Variants in STK3 observed in about 807,000 individuals in gnomAD.
STK3 encodes serine/threonine kinase 3, also known as serine/threonine-protein kinase 3.
STK3 carries 41 observed loss-of-function variants against 58.0 expected under a neutral mutation model. The ratio of observed to expected loss-of-function variants is 0.71; its 90% confidence interval spans 0.55 to 0.92. The LOEUF (loss-of-function observed/expected upper bound fraction) is 0.92, where lower values mean the gene tolerates loss of function less well. Among genes scored for constraint, STK3 ranks in the 40% least tolerant of loss-of-function variants. The pLI, the probability that STK3 is intolerant of heterozygous loss-of-function variation, is 0.00. For synonymous variants in STK3, 170 were observed against 191.0 expected (o/e 0.89, Z 0.91); for missense variants, 479 against 602.7 (o/e 0.79, Z 2.15).
rs532950012 is a variant in STK3 at position 98,840,761 on chromosome 8, T to G, written c.110+42886A>C. ...ATTTAACATTTATTACCTCCTAGTC[T>G]CTGTAAGTCAGAAATCCAGGTGCAA... On this transcript the variant is annotated intron_variant, in intron 3 of 12. Transcript: ENST00000523601. 1.7e-4 allele frequency among the ~76,000 whole-genome samples: 26 copies of G among 152,064 alleles called. No homozygotes were observed. In the East Asian group the frequency reaches 3.3e-3, roughly 19 times the overall value.
At chr8:98,638,049 T>C (rs1456773724) in intron 6 of STK3, among the ~76,000 whole-genome samples, 1 of 152,188 alleles carries the variant, frequency 6.6e-6, no homozygotes, top group African/African-American at 2.4e-5. Flanking sequence ...TAGAAATAAA[T>C]ACTAAACTCT....
intron 1 of STK3, among the ~76,000 whole-genome samples, chr8:98,792,156 A>G (rs1336606280): frequency 6.6e-6 from 1 of 152,238 alleles, no homozygotes; most frequent in Admixed American, 6.5e-5. Context: ...GGACATGAAT[A>G]GACAATTCTC....
the STK3 span, among the ~76,000 whole-genome samples, chr8:98,354,996 C>T: frequency 2.6e-5 from 4 of 152,104 alleles, no homozygotes; most frequent in African/African-American, 4.8e-5. Context: ...AGGCTGGTCC[C>T]GAACTCCTAA....
chr8:98,631,755 C>T (rs1392279974), intron 6 of STK3, among the ~76,000 whole-genome samples: 1 of 152,206 alleles, frequency 6.6e-6, no homozygotes, highest in African/African-American at 2.4e-5. Flanking sequence ...ACCTCCGCCT[C>T]CTGGGTTCAA....
chr8:98,748,837 A>C (rs1305176140), intron 4 of STK3, among the ~76,000 whole-genome samples: 1 of 151,880 alleles, frequency 6.6e-6, no homozygotes, highest in Non-Finnish European at 1.5e-5. Context: ...AAATACAAAA[A>C]TGTTTTTTTT....
At chr8:98,817,332 T>C (rs888169696) in intron 1 of STK3, among the ~76,000 whole-genome samples, 4 of 151,868 alleles carry the variant, frequency 2.6e-5, no homozygotes, top group African/African-American at 7.3e-5. Flanking sequence ...CACACGCCCG[T>C]AGTCCCAGCG....
At chr8:98,592,732 A>ACTTT (rs1815427833) in intron 7 of STK3, among the ~76,000 whole-genome samples, 1 of 128,562 alleles carries the variant, frequency 7.8e-6, no homozygotes, top group Non-Finnish European at 1.7e-5. Flanking sequence ...TCACTGACTT[A>ACTTT]CTTTATTTAT....
intron 1 of STK3, among the ~76,000 whole-genome samples, chr8:98,382,438 G>C (rs1339310951): frequency 6.6e-6 from 1 of 152,206 alleles, no homozygotes; most frequent in African/African-American, 2.4e-5. Context: ...CCAGAAGGCA[G>C]AGGAGGTCAG....
Position 98,427,998 on chromosome 8 carries a change from T to C in STK3, n.483+6129A>G, listed in dbSNP as rs199762721. Reference sequence around the variant, plus strand: ...CTCCAGCATGACCGGCCAGAGCCTGTGGGACGTGTCGGAGGCTAACGTCGA... The same window carrying C: ...CTCCAGCATGACCGGCCAGAGCCTGCGGGACGTGTCGGAGGCTAACGTCGA... On this transcript the variant is annotated intron_variant and non_coding_transcript_variant, in intron 3 of 3. Coordinates refer to the STK3 transcript ENST00000517832. The C allele has an allele frequency of 6.2e-5, 97 of 1,569,470 alleles. No individual in the cohort carries two copies. Among genetic ancestry groups the C allele is most frequent in the Non-Finnish European group, 8.0e-5 (92 of 1,155,868 alleles).
intron 1 of STK3, among the ~76,000 whole-genome samples, chr8:98,889,339 C>T (rs1400502830): frequency 6.6e-6 from 1 of 152,154 alleles, no homozygotes; most frequent in East Asian, 1.9e-4. Context: ...TCTAGGGTGC[C>T]CTGGAAAACT....
In STK3 at chr8:98,925,475, C is replaced by T. The variant is rs539490067; in HGVS notation, c.-79+16903G>A. The stretch of plus-strand genomic sequence containing the variant: ...AGAAACTGTTTTCTGTACTGTATGC[C>T]TCACTCACTCATTTACCTGAGGGAC... On this transcript the variant is annotated intron_variant, in intron 1 of 1. Coordinates refer to the STK3 transcript ENST00000519420. Among the ~76,000 whole-genome samples, 12 of 152,316 alleles carry T rather than the reference C, an allele frequency of 7.9e-5. No homozygotes were observed. The South Asian group carries it at 2.5e-3, about 32-fold the overall frequency.
intron 1 of STK3, among the ~76,000 whole-genome samples, chr8:98,918,001 T>G (rs1289808447): frequency 6.6e-6 from 1 of 152,208 alleles, no homozygotes; most frequent in African/African-American, 2.4e-5. Context: ...ATGTAGTGCT[T>G]TCTATAGGGC....
intron 3 of STK3, among the ~76,000 whole-genome samples, chr8:98,851,220 T>A (rs1258159592): frequency 6.6e-6 from 1 of 152,184 alleles, no homozygotes; most frequent in Non-Finnish European, 1.5e-5. Context: ...TCATCTATCT[T>A]ACTGTTCTCT....
chr8:98,666,115 T>G (rs1192358471), intron 6 of STK3, among the ~76,000 whole-genome samples: 1 of 151,972 alleles, frequency 6.6e-6, no homozygotes, highest in East Asian at 1.9e-4. Flanking sequence ...GAAAGAAAAC[T>G]GACTCCTCAT....
chr8:98,570,282 C>T (rs994136118), intron 8 of STK3, among the ~76,000 whole-genome samples: 1 of 150,756 alleles, frequency 6.6e-6, no homozygotes, highest in Non-Finnish European at 1.5e-5. Context: ...GCATGCATCA[C>T]CAAGCCTAGC....
In STK3 at chr8:98,807,978, G is replaced by A. The variant is rs1014363945; in HGVS notation, c.26+17537C>T. Among the ~76,000 whole-genome samples, 6 of 152,254 alleles carry A rather than the reference G, an allele frequency of 3.9e-5. No individual in the cohort carries two copies. In the East Asian group the frequency reaches 1.2e-3, roughly 29 times the overall value. On this transcript the variant is annotated intron_variant, in intron 1 of 10. Coordinates refer to ENST00000419617, the MANE Select transcript of STK3 (RefSeq NM_006281.4). ...TGGAAGGCTGAAACAGAATACACTC[G>A]TAGAAACAGATTTTTAAACTGGGGG...
rs533193244 is a variant in STK3 at position 98,439,825 on chromosome 8, C to T, written n.186-2617G>A. On this transcript the variant is annotated intron_variant and non_coding_transcript_variant, in intron 1 of 3. Coordinates refer to the STK3 transcript ENST00000517832. ...GCTCAGCACAATGAAGTCTGCATACCGATTCAGCCCTGTGGTTCACTGGCT... is the reference window on the plus strand; with the variant it reads ...GCTCAGCACAATGAAGTCTGCATACTGATTCAGCCCTGTGGTTCACTGGCT... Among the ~76,000 whole-genome samples, 35 of 152,288 alleles carry T rather than the reference C, an allele frequency of 2.3e-4. 1 individual carries two copies. The highest frequency in any genetic ancestry group is 7.2e-4 in the African/African-American group (30 of 41,556).
the STK3 span, among the ~76,000 whole-genome samples, chr8:98,351,897 C>T: frequency 1.3e-5 from 2 of 152,154 alleles, no homozygotes; most frequent in South Asian, 2.1e-4. Flanking sequence ...TGGTGCCTCA[C>T]GCCTGTAATC....
chr8:98,632,600 T>C (rs1207093897), intron 6 of STK3, among the ~76,000 whole-genome samples: 1 of 152,236 alleles, frequency 6.6e-6, no homozygotes, highest in Non-Finnish European at 1.5e-5. Flanking sequence ...ACATATGCCA[T>C]ACTATAGTCA....
Sources: allele counts gnomAD v4.1 joint callset (sites outside exome capture counted in the v4.1 genomes callset), GRCh38; gene constraint gnomAD v4.1.1; transcripts MANE v1.5; gene names NCBI Gene and HGNC (gene_info 2026-07-23, HGNC 2026-07-21).